Variants in DMD observed in about 807,000 individuals in gnomAD.
DMD encodes mutant dystrophin.
DMD carries 63 observed loss-of-function variants against 330.1 expected under a neutral mutation model. The observed-to-expected ratio is 0.19, with a 90% CI of 0.16 to 0.24. DMD has a LOEUF of 0.24. Among genes scored for constraint, DMD ranks in the 10% least tolerant of loss-of-function variants. The pLI, the probability that DMD is intolerant of heterozygous loss-of-function variation, is 1.00. For missense variants in DMD, 3,344 were observed against 2,684.1 expected (o/e 1.25, Z -5.43); for synonymous variants, 1,223 against 959.8 (o/e 1.27, Z -5.07).
At chrX:32,456,848 ATTTTG>A (rs2098361506) in intron 25 of DMD, among the ~76,000 whole-genome samples, 1 of 107,480 alleles carries the variant, frequency 9.3e-6, no homozygotes, top group Non-Finnish European at 1.9e-5. Flanking sequence ...TACATCAGGA[ATTTTG>A]TTTTAACATG....
chrX:31,240,520 C>T (rs772641851), intron 63 of DMD, among the ~76,000 whole-genome samples: 2 of 111,196 alleles, frequency 1.8e-5, no homozygotes, highest in Admixed American at 1.9e-4. Flanking sequence ...CAAGATTTCT[C>T]TATCTGGGAT....
intron 1 of DMD, among the ~76,000 whole-genome samples, chrX:33,089,285 C>T (rs1304717809): frequency 3.6e-5 from 4 of 110,340 alleles, no homozygotes; most frequent in Non-Finnish European, 5.7e-5. Flanking sequence ...AGGATGGTCT[C>T]GATCTCTTGA....
At chrX:32,466,089 A>T (rs1313623336) in intron 23 of DMD, among the ~76,000 whole-genome samples, 1 of 110,995 alleles carries the variant, frequency 9.0e-6, no homozygotes, top group Non-Finnish European at 1.9e-5. Context: ...TTAAGTTTTT[A>T]TTGTTATTAT....
intron 41 of DMD, among the ~76,000 whole-genome samples, chrX:32,335,450 T>C (rs2097701176): frequency 9.5e-6 from 1 of 104,903 alleles, no homozygotes; most frequent in Admixed American, 1.1e-4. Flanking sequence ...GATGTATATA[T>C]GTATATACAT....
chrX:32,217,260 T>TA (rs1227464888), intron 43 of DMD, among the ~76,000 whole-genome samples, 197 bp from the exon 44 acceptor site: 1 of 111,579 alleles, frequency 9.0e-6, no homozygotes, highest in East Asian at 2.8e-4. Flanking sequence ...TTTAAAAAAA[T>TA]ACTCAATATA....
rs78086970 is a variant in DMD, at chrX:31,542,465, T to C, written c.8218-35012A>G. Among the ~76,000 whole-genome samples, 10 of 112,360 alleles carry C rather than the reference T, an allele frequency of 8.9e-5. No homozygotes were observed. The East Asian group carries it at 2.8e-3, about 31-fold the overall frequency. Reference sequence around the variant, plus strand: ...TGTAAATTACTTATCTGTATCTCTTTCCTTCTCTGTGAAATAGGGATACTA... The same window carrying C: ...TGTAAATTACTTATCTGTATCTCTTCCCTTCTCTGTGAAATAGGGATACTA... On this transcript the variant is annotated intron_variant, in intron 55 of 78. Transcript: ENST00000357033.
chrX:32,419,746 C>A (rs1023478993), intron 29 of DMD, among the ~76,000 whole-genome samples: 1 of 111,466 alleles, frequency 9.0e-6, no homozygotes, highest in Non-Finnish European at 1.9e-5. Context: ...AGGAACTTCA[C>A]CTGTTTTAGG....
At chrX:33,186,163 T>C (rs962078870) in intron 1 of DMD, among the ~76,000 whole-genome samples, 7 of 111,979 alleles carry the variant, frequency 6.3e-5, no homozygotes, top group Non-Finnish European at 1.3e-4. Flanking sequence ...TAGCAACAAC[T>C]TACTACCAAA....
intron 47 of DMD, among the ~76,000 whole-genome samples, chrX:31,884,658 A>G (rs187156285): frequency 8.9e-6 from 1 of 112,233 alleles, no homozygotes; most frequent in African/African-American, 3.2e-5. Context: ...ACAAAAAATA[A>G]TAAGTATGTA....
At chrX:31,292,670 A>C (rs1275410739) in intron 62 of DMD, among the ~76,000 whole-genome samples, 2 of 111,918 alleles carry the variant, frequency 1.8e-5, no homozygotes, top group African/African-American at 3.2e-5. Flanking sequence ...TGTTCATAGG[A>C]GGCCTTATTC....
intron 1 of DMD, among the ~76,000 whole-genome samples, chrX:33,225,552 C>T (rs978821788): frequency 2.7e-5 from 3 of 111,027 alleles, no homozygotes; most frequent in Non-Finnish European, 5.7e-5. Flanking sequence ...AACTTTACAC[C>T]TTATGCAAAA....
intron 7 of DMD, among the ~76,000 whole-genome samples, chrX:32,784,599 T>C (rs1456813699): frequency 8.9e-6 from 1 of 111,816 alleles, no homozygotes; most frequent in Non-Finnish European, 1.9e-5. Flanking sequence ...CAAGGAACTA[T>C]AGAAAAAGTT....
chrX:32,870,853 G>C (rs2082898711), intron 2 of DMD, among the ~76,000 whole-genome samples: 1 of 106,444 alleles, frequency 9.4e-6, no homozygotes, highest in African/African-American at 3.4e-5. Context: ...TACCATTCAG[G>C]ATATATGCAC....
intron 1 of DMD, among the ~76,000 whole-genome samples, chrX:33,235,397 T>A (rs773790403): frequency 8.9e-6 from 1 of 111,997 alleles, no homozygotes; most frequent in East Asian, 2.8e-4. Flanking sequence ...CTCATCAGAA[T>A]TAACTACTGT....
At chrX:33,056,162 A>T (rs1413780017) in intron 1 of DMD, among the ~76,000 whole-genome samples, 1 of 110,541 alleles carries the variant, frequency 9.0e-6, no homozygotes, top group Non-Finnish European at 1.9e-5. Flanking sequence ...TCTTTGATGG[A>T]GACAGCCCCA....
intron 55 of DMD, among the ~76,000 whole-genome samples, chrX:31,524,377 T>C (rs769278461): frequency 8.9e-6 from 1 of 111,890 alleles, no homozygotes; most frequent in African/African-American, 3.2e-5. Context: ...TTGGGTCTCA[T>C]CCTGGGCACA....
intron 15 of DMD, among the ~76,000 whole-genome samples, chrX:32,572,272 A>T (rs1165041433): frequency 2.7e-5 from 3 of 111,940 alleles, no homozygotes; most frequent in Non-Finnish European, 3.8e-5. Context: ...AGCTGGTAAA[A>T]TGGTACGTAT....
At chrX:31,767,345 C>T (rs1163419691) in intron 51 of DMD, among the ~76,000 whole-genome samples, 2 of 111,458 alleles carry the variant, frequency 1.8e-5, no homozygotes, top group Non-Finnish European at 3.8e-5. Context: ...CCATTTGATG[C>T]CCATGGAAAT....
chrX:31,214,863 A>T (rs1816308675), intron 64 of DMD, among the ~76,000 whole-genome samples: 1 of 109,212 alleles, frequency 9.2e-6, no homozygotes, highest in Admixed American at 9.8e-5. Context: ...GCTTAAAATT[A>T]ATGATAAAAG....
Sources: gnomAD v4.1 joint callset for allele counts (sites outside exome capture counted in the v4.1 genomes callset) on GRCh38, gnomAD v4.1.1 for gene constraint, MANE v1.5 for transcripts, NCBI Gene and HGNC (gene_info 2026-07-23, HGNC 2026-07-21) for gene names.